Variants in ANKRD30B observed in about 807,000 individuals in gnomAD.
ANKRD30B encodes the protein ankyrin repeat domain 30B, also known as ankyrin repeat domain-containing protein 30B.
In ANKRD30B, 144 loss-of-function variants were observed where a neutral mutation model predicts 202.2. The observed-to-expected ratio is 0.71, with a 90% CI of 0.62 to 0.82. The LOEUF (loss-of-function observed/expected upper bound fraction) is 0.82. Ranked by LOEUF, ANKRD30B falls within the 40% of genes least tolerant of loss-of-function variation. ANKRD30B has a pLI of 0.00. For missense variants in ANKRD30B, 1,487 were observed against 1,669.1 expected (o/e 0.89, Z 1.90); for synonymous variants, 508 against 561.3 (o/e 0.91, Z 1.34).
intron 33 of ANKRD30B, among the ~76,000 whole-genome samples, chr18:14,830,854 A>C (rs1181926384): frequency 1.3e-5 from 2 of 152,082 alleles, no homozygotes; most frequent in East Asian, 3.9e-4. Context: ...CAGGTTGGAG[A>C]GATAGAGTCA....
intron 9 of ANKRD30B, among the ~76,000 whole-genome samples, chr18:14,776,180 A>G (rs1967338728): frequency 6.6e-6 from 1 of 152,184 alleles, no homozygotes; most frequent in African/African-American, 2.4e-5. Context: ...GACTTTCCTG[A>G]TGAGATTTTC....
chr18:14,890,492 A>G, the ANKRD30B span, among the ~76,000 whole-genome samples: 1 of 151,756 alleles, frequency 6.6e-6, no homozygotes, highest in Non-Finnish European at 1.5e-5. Context: ...AGATTGAGGC[A>G]GGTAGTCTTG....
chr18:14,836,445 A>G (rs1350343673), intron 34 of ANKRD30B, among the ~76,000 whole-genome samples: 2 of 151,716 alleles, frequency 1.3e-5, no homozygotes, highest in Non-Finnish European at 2.9e-5. Flanking sequence ...TCACACACCT[A>G]ATTTTGTATT....
In ANKRD30B at chr18:14,766,490, A is replaced by AG. The variant is rs1446829617; in HGVS notation, c.1225+2400_1225+2401insG. Among the ~76,000 whole-genome samples, 1,042 of 148,394 alleles carry AG rather than the reference A, an allele frequency of 7.0e-3. 28 individuals carry two copies. Among genetic ancestry groups the AG allele is most frequent in the African/African-American group, 0.024 (979 of 40,270 alleles). ...TCCATCTCAAAAAAAAAAAAAAAAA[A>AG]AAAAAAAGAAAAGAAAAGAAAAGAA... On this transcript the variant is annotated intron_variant, in intron 7 of 43. Transcript: ENST00000690538.
chr18:14,903,023 T>A, the ANKRD30B span, among the ~76,000 whole-genome samples: 2 of 152,170 alleles, frequency 1.3e-5, no homozygotes, highest in Non-Finnish European at 2.9e-5. Context: ...TTCAAAGCAC[T>A]TTCACGGGGC....
chr18:14,767,389 C>T (rs1247140932), intron 7 of ANKRD30B, among the ~76,000 whole-genome samples: 4 of 151,964 alleles, frequency 2.6e-5, no homozygotes, highest in Non-Finnish European at 5.9e-5. Flanking sequence ...ATAAATTTGG[C>T]ACAGTAAGAA....
chr18:14,939,050 A>G, the ANKRD30B span, among the ~76,000 whole-genome samples: 4 of 152,198 alleles, frequency 2.6e-5, no homozygotes, highest in African/African-American at 9.6e-5. Flanking sequence ...CAGGAGGAGA[A>G]AGAAGTGCTT....
At chr18:14,931,933 C>T in the ANKRD30B span, among the ~76,000 whole-genome samples, 36 of 115,872 alleles carry the variant, frequency 3.1e-4, no homozygotes, top group South Asian at 5.7e-4. Context: ...TGCTCTGTCC[C>T]GGGCCCCCCA....
intron 3 of ANKRD30B, 40 bp from the exon 4 acceptor site, chr18:14,754,859 T>A: frequency 1.5e-6 from 2 of 1,377,160 alleles, no homozygotes; most frequent in Non-Finnish European, 1.9e-6. Flanking sequence ...CTGAGAAATA[T>A]GTAATTTCAT....
the ANKRD30B span, among the ~76,000 whole-genome samples, chr18:14,871,791 G>A: frequency 2.0e-5 from 3 of 152,014 alleles, no homozygotes; most frequent in East Asian, 1.9e-4. Flanking sequence ...TCGGGAAGCC[G>A]AGGTGGGAGG....
At chr18:14,796,683 G>A (rs1298750333) in intron 18 of ANKRD30B, among the ~76,000 whole-genome samples, 1 of 152,076 alleles carries the variant, frequency 6.6e-6, no homozygotes, top group Admixed American at 6.6e-5. Flanking sequence ...TTCCCAGGTG[G>A]ATCGGCAGGT....
At chr18:14,941,084 C>T in the ANKRD30B span, among the ~76,000 whole-genome samples, 1 of 152,176 alleles carries the variant, frequency 6.6e-6, no homozygotes, top group Non-Finnish European at 1.5e-5. Flanking sequence ...ACCATGCAAA[C>T]CATACTCTGG....
chr18:14,892,124 C>T, the ANKRD30B span, among the ~76,000 whole-genome samples: 1 of 152,174 alleles, frequency 6.6e-6, no homozygotes, highest in East Asian at 1.9e-4. Flanking sequence ...TTTTCTTTTC[C>T]TTCAAGTCTC....
intron 36 of ANKRD30B, 63 bp from the exon 37 acceptor site, chr18:14,840,525 T>G (rs1971373312): frequency 1.1e-6 from 1 of 901,748 alleles, no homozygotes; most frequent in Non-Finnish European, 1.5e-6. Context: ...AGGCTTCATC[T>G]CAGAAAAACA....
At chr18:14,831,191 A>AAAAAAAAAAAC (rs1970915905) in intron 33 of ANKRD30B, among the ~76,000 whole-genome samples, 192 bp from the exon 34 acceptor site, 1 of 150,902 alleles carries the variant, frequency 6.6e-6, no homozygotes, top group Non-Finnish European at 1.5e-5. Context: ...GAAAAAAAAA[A>AAAAAAAAAAAC]AAAAAAAAAC....
chr18:14,821,213 C>A (rs1970403108), intron 30 of ANKRD30B, among the ~76,000 whole-genome samples: 1 of 151,804 alleles, frequency 6.6e-6, no homozygotes, highest in Admixed American at 6.6e-5. Context: ...GGTGATATCC[C>A]CTTTATCATT....
At chr18:14,796,553 C>CATTT (rs1310610728) in intron 18 of ANKRD30B, 138 bp downstream of exon 18, 1 of 1,163,024 alleles carries the variant, frequency 8.6e-7, no homozygotes, top group East Asian at 2.6e-5. Flanking sequence ...CCAATGTTAG[C>CATTT]ATTTATGTTT....
intron 9 of ANKRD30B, 54 bp from the exon 10 acceptor site, chr18:14,777,931 A>T: frequency 1.5e-6 from 2 of 1,371,504 alleles, no homozygotes; most frequent in South Asian, 2.6e-5. Flanking sequence ...ACTTCATCTC[A>T]AAAAAACAAA....
chr18:14,887,200 AT>A, the ANKRD30B span, among the ~76,000 whole-genome samples: 1 of 152,186 alleles, frequency 6.6e-6, no homozygotes, highest in African/African-American at 2.4e-5. Context: ...CATCTTTGTA[AT>A]AATCCTGTTA....
Sources: gnomAD v4.1 joint callset for allele counts (sites outside exome capture counted in the v4.1 genomes callset) on GRCh38, gnomAD v4.1.1 for gene constraint, MANE v1.5 for transcripts, NCBI Gene and HGNC (gene_info 2026-07-23, HGNC 2026-07-21) for gene names.